The following AGPS variants were observed in gnomAD, a reference collection of about 807,000 sequenced individuals.
The protein encoded by AGPS is alkylglycerone phosphate synthase, also known as alkyldihydroxyacetonephosphate synthase, peroxisomal.
A neutral mutation model predicts 90.7 loss-of-function variants in AGPS; 26 were observed. The ratio of observed to expected loss-of-function variants is 0.29; its 90% CI spans 0.21 to 0.40. The LOEUF is 0.40. AGPS is among the 10% of genes least tolerant of loss of function. The pLI is 1.00. For synonymous variants in AGPS, 294 were observed against 285.3 expected, an observed-to-expected ratio of 1.03 and a Z score of -0.31; for missense variants, 540 against 816.1, an observed-to-expected ratio of 0.66 and a Z score of 4.12.
intron 19 of AGPS, among the ~76,000 whole-genome samples, chr2:177,527,903 A>T (rs554518630): frequency 1.3e-5 from 2 of 152,356 alleles, no homozygotes; most frequent in East Asian, 3.9e-4. Context: ...TGGTCAAAAT[A>T]TGACCGCATG....
intron 11 of AGPS, 59 bp from the exon 12 acceptor site, chr2:177,493,089 C>G: frequency 2.9e-6 from 4 of 1,395,640 alleles, no homozygotes; most frequent in Non-Finnish European, 4.0e-6. Flanking sequence ...TCACATTCTA[C>G]CTGTCTAGCT....
At chr2:177,529,473 TA>T (rs1182782483) in intron 19 of AGPS, among the ~76,000 whole-genome samples, 4 of 151,214 alleles carry the variant, frequency 2.6e-5, no homozygotes, top group South Asian at 2.1e-4. Flanking sequence ...TCCTGTCTCT[TA>T]AAAAAAAAGA....
At chr2:177,483,801 A>G (rs978676191) in intron 11 of AGPS, among the ~76,000 whole-genome samples, 8 of 152,154 alleles carry the variant, frequency 5.3e-5, no homozygotes, top group Non-Finnish European at 1.2e-4. Flanking sequence ...TTTGGAGTAA[A>G]TAGTATTTGT....
chr2:177,426,089 C>T (rs1037771011), intron 2 of AGPS, among the ~76,000 whole-genome samples: 10 of 152,098 alleles, frequency 6.6e-5, no homozygotes, highest in African/African-American at 2.4e-4. Context: ...TTGTAGTTGT[C>T]CTTGAAGAGG....
rs1295954187 is a variant in AGPS, at chr2:177,461,939, AGT to A, written c.918_919del (p.Glu306AspfsTer36). On this transcript the variant is annotated frameshift_variant, in exon 9 of 20. Transcript: ENST00000264167. LOFTEE classifies it high-confidence loss of function. ...ACAGGTCATGAACCAGATTCCCTGGAGTTCAGTACTGTAGGAGGATGGGTATC... is the reference window on the plus strand; with the variant it reads ...ACAGGTCATGAACCAGATTCCCTGGATCAGTACTGTAGGAGGATGGGTATC... The A allele has an allele frequency of 6.2e-7, 1 of 1,612,656 alleles. No individual in the cohort carries two copies. The highest frequency in any genetic ancestry group is 8.5e-7 in the Non-Finnish European group (1 of 1,179,168).
chr2:177,451,189 C>T (rs1199353971), intron 8 of AGPS, among the ~76,000 whole-genome samples: 3 of 151,858 alleles, frequency 2.0e-5, no homozygotes, highest in East Asian at 1.9e-4. Context: ...TCAAACTTCT[C>T]GCTTCAACCT....
chr2:177,426,476 C>T (rs925703006), intron 2 of AGPS, among the ~76,000 whole-genome samples: 12 of 152,226 alleles, frequency 7.9e-5, no homozygotes, highest in Non-Finnish European at 1.0e-4. Context: ...TGCCGGTTTT[C>T]GAGGAGAATG....
rs980211710 is a variant in AGPS at position 177,505,569 on chromosome 2, C to T, written c.1539C>T (p.Tyr513=). Residue 513 remains tyrosine (Y), a synonymous_variant, in exon 15 of 20, where the codon TAC becomes TAT. Transcript: ENST00000264167. ...ATTTGCTGACCTATGTTATTGCATACATTCGAGTAAGTTATATCATATTTC... is the reference window on the plus strand; with the variant it reads ...ATTTGCTGACCTATGTTATTGCATATATTCGAGTAAGTTATATCATATTTC... ...RGYLLTYVIA[Y]IRDLALEYYV... 23 of 1,610,508 alleles carry T rather than the reference C, an allele frequency of 1.4e-5. No homozygotes were observed. The African/African-American group carries it at 1.5e-4, about 10-fold the overall frequency.
chr2:177,468,752 A>G (rs1329257698), intron 10 of AGPS, among the ~76,000 whole-genome samples: 1 of 151,858 alleles, frequency 6.6e-6, no homozygotes, highest in Non-Finnish European at 1.5e-5. Flanking sequence ...TGATCTTTTA[A>G]TTTTTATTTT....
chr2:177,511,165 T>C (rs1327439146), intron 16 of AGPS, among the ~76,000 whole-genome samples: 1 of 152,102 alleles, frequency 6.6e-6, no homozygotes, highest in Non-Finnish European at 1.5e-5. Flanking sequence ...GTGACGCTTA[T>C]CACGGCTCAC....
At chr2:177,500,156 T>C (rs1166428094) in intron 14 of AGPS, among the ~76,000 whole-genome samples, 1 of 151,968 alleles carries the variant, frequency 6.6e-6, no homozygotes, top group Non-Finnish European at 1.5e-5. Flanking sequence ...TAATCGAAGG[T>C]ATTTGATAAA....
chr2:177,520,240 C>G (rs185576323), intron 17 of AGPS, among the ~76,000 whole-genome samples: 69 of 152,322 alleles, frequency 4.5e-4, no homozygotes, highest in African/African-American at 1.6e-3. Context: ...AGGTAGGTTT[C>G]AGCCTCATTT....
chr2:177,453,735 G>A (rs1042033029), intron 8 of AGPS, among the ~76,000 whole-genome samples: 9 of 113,954 alleles, frequency 7.9e-5, no homozygotes, highest in East Asian at 2.6e-4. Context: ...TTACTCTGTC[G>A]CTCAGCAGGC....
intron 13 of AGPS, among the ~76,000 whole-genome samples, chr2:177,499,356 G>A (rs1013987710): frequency 2.6e-5 from 4 of 151,640 alleles, no homozygotes; most frequent in South Asian, 2.1e-4. Flanking sequence ...ATTTACATAA[G>A]CAATATGTTA....
In AGPS at chr2:177,463,744, T is replaced by A. The variant is rs924125300; in HGVS notation, c.996+1726T>A. On this transcript the variant is annotated intron_variant, in intron 9 of 19. Transcript: ENST00000264167. ...ATTCAGTTTTGGGGAGAAAATTTGA[T>A]CCTTTTGCTATTGGATTATTAAGGA... 3.3e-5 allele frequency among the ~76,000 whole-genome samples: 5 copies of A among 152,158 alleles called. No homozygotes were observed. The South Asian group carries it at 1.0e-3, about 31-fold the overall frequency.
In AGPS at chr2:177,533,687, T is replaced by G. The variant is rs1265286628; in HGVS notation, c.1856-4387T>G. Reference sequence around the variant, plus strand: ...CAGAATACTTTTATAGTTAGTTTCATGTGATTAGCAAACAGTTAATCCTGG... The same window carrying G: ...CAGAATACTTTTATAGTTAGTTTCAGGTGATTAGCAAACAGTTAATCCTGG... On this transcript the variant is annotated intron_variant, in intron 19 of 19. Coordinates refer to ENST00000264167, the MANE Select transcript of AGPS (RefSeq NM_003659.4). Among the ~76,000 whole-genome samples, 4 of 152,244 alleles carry G rather than the reference T, an allele frequency of 2.6e-5. 1 individual carries two copies. Among genetic ancestry groups the G allele is most frequent in the Admixed American group, 2.0e-4 (3 of 15,278 alleles).
intron 8 of AGPS, among the ~76,000 whole-genome samples, chr2:177,447,241 G>A (rs1686802844): frequency 6.6e-6 from 1 of 151,974 alleles, no homozygotes; most frequent in South Asian, 2.1e-4. Flanking sequence ...ATTTCTGGAT[G>A]ATAGGCTTTG....
At chr2:177,523,647 A>C in intron 18 of AGPS, 101 bp from the exon 19 acceptor site, 1 of 973,292 alleles carries the variant, frequency 1.0e-6, no homozygotes, top group Non-Finnish European at 1.6e-6. Flanking sequence ...TTTATTATTT[A>C]ACCCAGGAAA....
chr2:177,468,151 G>T (rs977367934), intron 9 of AGPS, among the ~76,000 whole-genome samples: 1 of 152,012 alleles, frequency 6.6e-6, no homozygotes, highest in African/African-American at 2.4e-5. Flanking sequence ...GTGTTATTCT[G>T]TTGTTCTTAA....
Sources: allele counts gnomAD v4.1 joint callset (sites outside exome capture counted in the v4.1 genomes callset), GRCh38; gene constraint gnomAD v4.1.1; transcripts MANE v1.5; gene names NCBI Gene and HGNC (gene_info 2026-07-23, HGNC 2026-07-21).